The following MAN1C1 variants were observed in gnomAD, a reference collection of about 807,000 sequenced individuals.
MAN1C1 encodes the protein mannosyl-oligosaccharide 1,2-alpha-mannosidase IC.
A neutral mutation model predicts 71.5 loss-of-function variants in MAN1C1; 49 were observed. The observed-to-expected ratio is 0.69, with a 90% CI of 0.54 to 0.87. The LOEUF (loss-of-function observed/expected upper bound fraction) is 0.87, where lower values mean the gene tolerates loss of function less well. Ranked by LOEUF, MAN1C1 falls within the 40% of genes least tolerant of loss-of-function variation. MAN1C1 has a pLI of 0.00. For synonymous variants in MAN1C1, 352 were observed against 343.7 expected (o/e 1.02, Z -0.27); for missense variants, 743 against 835.0 (o/e 0.89, Z 1.36).
intron 2 of MAN1C1, among the ~76,000 whole-genome samples, chr1:25,745,898 C>A (rs576944573): frequency 5.4e-5 from 8 of 148,986 alleles, no homozygotes; most frequent in African/African-American, 2.0e-4. Context: ...GGCTGAGGCA[C>A]GAGAATCGCT....
intron 1 of MAN1C1, among the ~76,000 whole-genome samples, chr1:25,641,660 T>C (rs573655304): frequency 6.6e-6 from 1 of 152,336 alleles, no homozygotes; most frequent in African/African-American, 2.4e-5. Flanking sequence ...GAAAAATCTT[T>C]AGAATGAACC....
chr1:25,637,160 A>T (rs1426215752), intron 1 of MAN1C1, among the ~76,000 whole-genome samples: 3 of 146,114 alleles, frequency 2.1e-5, no homozygotes, highest in African/African-American at 7.3e-5. Flanking sequence ...TCTCAAAAAA[A>T]AAAATTAAAT....
intron 8 of MAN1C1, 196 bp downstream of exon 8, chr1:25,771,968 G>C: frequency 1.8e-6 from 1 of 563,932 alleles, no homozygotes; most frequent in Middle Eastern, 4.7e-4. Flanking sequence ...CCTCCCACAT[G>C]CTCTAAGACT....
intron 2 of MAN1C1, among the ~76,000 whole-genome samples, chr1:25,740,760 T>C (rs1426724332): frequency 6.6e-6 from 1 of 151,792 alleles, no homozygotes; most frequent in African/African-American, 2.4e-5. Flanking sequence ...AAAAAATCTC[T>C]CTGGCTGCAA....
At chr1:25,731,813 G>A (rs773465884) in intron 2 of MAN1C1, among the ~76,000 whole-genome samples, 12 of 152,204 alleles carry the variant, frequency 7.9e-5, no homozygotes, top group Non-Finnish European at 1.6e-4. Context: ...TGGCCTGATG[G>A]AGAGAAGGCC....
chr1:25,713,700 C>T (rs2046642884), intron 2 of MAN1C1, among the ~76,000 whole-genome samples: 1 of 152,176 alleles, frequency 6.6e-6, no homozygotes, highest in East Asian at 1.9e-4. Flanking sequence ...GCCTCATCTC[C>T]GGCCTCTGTT....
chr1:25,642,788 C>T (rs1249460350), intron 1 of MAN1C1, among the ~76,000 whole-genome samples: 1 of 152,288 alleles, frequency 6.6e-6, no homozygotes, highest in South Asian at 2.1e-4. Context: ...TCTGTTAAAT[C>T]GTATATGAAA....
intron 1 of MAN1C1, among the ~76,000 whole-genome samples, chr1:25,681,927 C>G (rs2046160472): frequency 6.6e-6 from 1 of 151,406 alleles, no homozygotes; most frequent in Admixed American, 6.6e-5. Context: ...TAAGAACAAT[C>G]ATGCTAGTCT....
At chr1:25,683,176 G>A (rs1026087306) in intron 1 of MAN1C1, among the ~76,000 whole-genome samples, 1 of 152,160 alleles carries the variant, frequency 6.6e-6, no homozygotes, top group Admixed American at 6.6e-5. Context: ...ACCAGTTCCA[G>A]AGTGAAAACA....
intron 1 of MAN1C1, among the ~76,000 whole-genome samples, chr1:25,671,255 G>A (rs2045988807): frequency 6.6e-6 from 1 of 152,196 alleles, no homozygotes. Flanking sequence ...TGTAAAATAA[G>A]GATACGGGCT....
Position 25,685,199 on chromosome 1 carries a change from G to A in MAN1C1, c.541-1241G>A, listed in dbSNP as rs559601644. Among the ~76,000 whole-genome samples, 9 of 152,330 alleles carry A rather than the reference G, an allele frequency of 5.9e-5. No individual in the cohort carries two copies. The East Asian group carries it at 9.6e-4, about 16-fold the overall frequency. On this transcript the variant is annotated intron_variant, in intron 1 of 11. Transcript: ENST00000374332. ...TTAAACCTATCAGGATGGTGGCAAG[G>A]CCTGCCTTGTCCCTTGCTAAAGCAG...
intron 1 of MAN1C1, among the ~76,000 whole-genome samples, chr1:25,635,276 G>T (rs868112077): frequency 8.6e-5 from 13 of 150,686 alleles, no homozygotes; most frequent in Non-Finnish European, 1.3e-4. Flanking sequence ...AAGTTTTTTT[G>T]GGGGGGGTTA....
intron 2 of MAN1C1, among the ~76,000 whole-genome samples, chr1:25,727,476 G>T (rs1473247861): frequency 6.6e-6 from 1 of 152,212 alleles, no homozygotes; most frequent in East Asian, 1.9e-4. Flanking sequence ...ACGGGACAGT[G>T]GGGGATACGT....
At chr1:25,646,984 C>T (rs543508958) in intron 1 of MAN1C1, among the ~76,000 whole-genome samples, 11 of 152,230 alleles carry the variant, frequency 7.2e-5, no homozygotes, top group African/African-American at 1.7e-4. Context: ...TGGTGGGGAA[C>T]GGTCAGACTG....
intron 2 of MAN1C1, among the ~76,000 whole-genome samples, chr1:25,712,495 G>A (rs938140923): frequency 6.6e-6 from 1 of 152,184 alleles, no homozygotes; most frequent in Non-Finnish European, 1.5e-5. Context: ...TGGGAGAAGG[G>A]GCCTTGGCCT....
chr1:25,645,892 C>G (rs187776967), intron 1 of MAN1C1: 24 of 152,334 alleles, frequency 1.6e-4, no homozygotes, highest in Non-Finnish European at 3.1e-4. Context: ...CTTGAAGGCT[C>G]GATGCCACAG....
In MAN1C1 at chr1:25,722,889, C is replaced by T. The variant is rs75200295; in HGVS notation, c.638-23779C>T. On this transcript the variant is annotated intron_variant, in intron 2 of 11. Coordinates refer to ENST00000374332, the MANE Select transcript of MAN1C1 (RefSeq NM_020379.4). Reference sequence around the variant, plus strand: ...GGAACTCAATATAGGTGTTTGTTCTCTAGAGCTAGTCTGGTTCTGCATAGA... The same window carrying T: ...GGAACTCAATATAGGTGTTTGTTCTTTAGAGCTAGTCTGGTTCTGCATAGA... Among the ~76,000 whole-genome samples the T allele has an allele frequency of 2.2e-4, 34 of 152,316 alleles. No individual in the cohort carries two copies. The East Asian group carries it at 6.2e-3, about 28-fold the overall frequency.
chr1:25,657,975 G>C (rs947223539), intron 1 of MAN1C1, among the ~76,000 whole-genome samples: 6 of 152,150 alleles, frequency 3.9e-5, no homozygotes, highest in African/African-American at 1.4e-4. Flanking sequence ...CTCACTTTCA[G>C]GGCTCACCAA....
intron 6 of MAN1C1, 45 bp downstream of exon 6, chr1:25,758,754 G>A: frequency 6.5e-7 from 1 of 1,534,800 alleles, no homozygotes; most frequent in Non-Finnish European, 9.0e-7. Flanking sequence ...AGAGGGATGA[G>A]CGTGCGGCTG....
Sources: allele counts gnomAD v4.1 joint callset (sites outside exome capture counted in the v4.1 genomes callset), GRCh38; gene constraint gnomAD v4.1.1; transcripts MANE v1.5; gene names NCBI Gene and HGNC (gene_info 2026-07-23, HGNC 2026-07-21).